NRCAM: variants seen among roughly 807,000 people sequenced by gnomAD.
The protein encoded by NRCAM is neuronal cell adhesion molecule.
In NRCAM, 83 loss-of-function variants were observed where a neutral mutation model predicts 156.5. The ratio of observed to expected loss-of-function variants is 0.53; its 90% CI spans 0.44 to 0.64. NRCAM has a LOEUF of 0.64. NRCAM is among the 30% of genes least tolerant of loss of function. The pLI is 0.00. For missense variants in NRCAM, 1,417 were observed against 1,597.3 expected, an observed-to-expected ratio of 0.89 and a Z score of 1.92; for synonymous variants, 538 against 563.9, an observed-to-expected ratio of 0.95 and a Z score of 0.65.
chr7:108,210,963 C>T lies in NRCAM; in HGVS notation c.891-1358G>A, dbSNP rs568225939. Among the ~76,000 whole-genome samples the T allele has an allele frequency of 4.3e-4, 65 of 152,246 alleles. 1 individual carries two copies. Among genetic ancestry groups the T allele is most frequent in the Middle Eastern group, 3.4e-3 (1 of 294 alleles). On this transcript the variant is annotated intron_variant, in intron 11 of 32. Transcript: ENST00000379028. ...GCAGAACTACATTGCAGCTCTGATGCGGATGGACAGAGCAGCATGTGGAGG... is the reference window on the plus strand; with the variant it reads ...GCAGAACTACATTGCAGCTCTGATGTGGATGGACAGAGCAGCATGTGGAGG...
At chr7:108,410,547 G>A (rs957611250) in intron 1 of NRCAM, among the ~76,000 whole-genome samples, 2 of 152,186 alleles carry the variant, frequency 1.3e-5, no homozygotes, top group Admixed American at 6.5e-5. Flanking sequence ...GATTTAATTG[G>A]TCTGAGGTAG....
chr7:108,180,324 C>T lies in NRCAM; in HGVS notation c.2750G>A (p.Gly917Glu), dbSNP rs2062770844. 1 of 1,614,234 alleles carries T rather than the reference C, an allele frequency of 6.2e-7. No individual in the cohort carries two copies. The highest frequency in any genetic ancestry group is 1.7e-5 in the Admixed American group (1 of 60,034). The change falls in exon 25 of 33, where the codon GGG (glycine) becomes GAG (glutamate). Residue 917 changes from glycine to glutamate, a missense_variant. Physicochemically the swap from Gly to Glu is moderately conservative, Grantham distance 98 (BLOSUM62 -2). Around this residue, in one of 2 missense-constraint regions of NRCAM, gnomAD observed 1,238 missense variants for 1,336.4 expected, o/e 0.93. Transcript: ENST00000379028. ...TGTGTAGTGGCTAAAGGGCTCTAGC[C>T]CCGGCAACATGCCATGAGTCTTGCT... is the stretch of plus-strand genomic sequence containing the variant. ...QGSKTHGMLP[G>E]LEPFSHYTLN...
At chr7:108,392,829 G>A (rs2099764798) in intron 2 of NRCAM, among the ~76,000 whole-genome samples, 1 of 152,162 alleles carries the variant, frequency 6.6e-6, no homozygotes, top group Non-Finnish European at 1.5e-5. Context: ...TTTGCTGGAG[G>A]TCTACTTCAG....
intron 3 of NRCAM, among the ~76,000 whole-genome samples, chr7:108,294,434 A>T (rs940903679): frequency 2.6e-5 from 4 of 152,046 alleles, no homozygotes; most frequent in Admixed American, 6.6e-5. Context: ...CTTGTTCAAA[A>T]TTCCTAAAGT....
chr7:108,408,269 C>T (rs1790997048), intron 1 of NRCAM, among the ~76,000 whole-genome samples: 1 of 152,100 alleles, frequency 6.6e-6, no homozygotes. Flanking sequence ...TTTTTAAGAG[C>T]CCAACATTCT....
intron 2 of NRCAM, among the ~76,000 whole-genome samples, chr7:108,332,277 T>G (rs2099134676): frequency 1.3e-5 from 2 of 152,228 alleles, no homozygotes; most frequent in African/African-American, 4.8e-5. Context: ...TAGAAAGGCA[T>G]CATGATGCTG....
chr7:108,453,849 T>C (rs905002862), intron 1 of NRCAM, among the ~76,000 whole-genome samples: 2 of 152,218 alleles, frequency 1.3e-5, no homozygotes, highest in African/African-American at 4.8e-5. Context: ...TCTTCATAAA[T>C]GCCCCCACAT....
chr7:108,332,465 G>A (rs1443312336), intron 2 of NRCAM, among the ~76,000 whole-genome samples: 1 of 152,102 alleles, frequency 6.6e-6, no homozygotes, highest in African/African-American at 2.4e-5. Context: ...TCGGCTCACT[G>A]CTTCTCTTCC....
At chr7:108,414,084 G>A (rs1798633524) in intron 1 of NRCAM, among the ~76,000 whole-genome samples, 2 of 152,238 alleles carry the variant, frequency 1.3e-5, no homozygotes, top group Non-Finnish European at 2.9e-5. Context: ...CTTTCCCAGA[G>A]GCTGATCAGA....
intron 7 of NRCAM, 78 bp downstream of exon 7, chr7:108,232,248 T>C: frequency 9.4e-7 from 1 of 1,060,234 alleles, no homozygotes; most frequent in Non-Finnish European, 1.4e-6. Context: ...TTGAATAGTA[T>C]TTGGATGATG....
At chr7:108,150,792 A>G (rs772372954) in intron 32 of NRCAM, 2 of 484,782 alleles carry the variant, frequency 4.1e-6, no homozygotes, top group Admixed American at 5.4e-5. Flanking sequence ...GATAGTACAC[A>G]GTATTTTTTT....
At chr7:108,434,130 A>G (rs968240200) in intron 1 of NRCAM, among the ~76,000 whole-genome samples, 2 of 152,220 alleles carry the variant, frequency 1.3e-5, no homozygotes, top group Non-Finnish European at 2.9e-5. Context: ...TCAGGGTCAC[A>G]ACAGTGAGTC....
At chr7:108,377,206 T>C (rs905738808) in intron 2 of NRCAM, among the ~76,000 whole-genome samples, 3 of 152,098 alleles carry the variant, frequency 2.0e-5, no homozygotes, top group Non-Finnish European at 4.4e-5. Flanking sequence ...TATCTGCATA[T>C]TGTATTCTTG....
chr7:108,195,712 C>G (rs755074073), intron 15 of NRCAM, 49 bp downstream of exon 15: 1 of 1,037,710 alleles, frequency 9.6e-7, no homozygotes, highest in Non-Finnish European at 1.5e-6. Flanking sequence ...AATATGAAGC[C>G]TTTAGCAAAC....
chr7:108,298,334 C>T (rs767933810), intron 3 of NRCAM, among the ~76,000 whole-genome samples: 1 of 151,716 alleles, frequency 6.6e-6, no homozygotes, highest in Non-Finnish European at 1.5e-5. Flanking sequence ...CTCCTCTATC[C>T]AAAACAACCC....
At chr7:108,185,636 C>T (rs2066221271) in intron 20 of NRCAM, among the ~76,000 whole-genome samples, 2 of 150,842 alleles carry the variant, frequency 1.3e-5, no homozygotes, top group Non-Finnish European at 2.9e-5. Context: ...GGAGGATCAC[C>T]TGAGCCCAGA....
intron 2 of NRCAM, among the ~76,000 whole-genome samples, chr7:108,329,947 C>G (rs1298139052): frequency 1.3e-5 from 2 of 151,996 alleles, no homozygotes; most frequent in African/African-American, 4.8e-5. Flanking sequence ...GGGAGGAAAG[C>G]CTTTAAACTT....
chr7:108,201,352 T>TC (rs1193271320), intron 13 of NRCAM, among the ~76,000 whole-genome samples: 1 of 152,040 alleles, frequency 6.6e-6, no homozygotes, highest in Admixed American at 6.6e-5. Context: ...CTGTGATGAA[T>TC]CCCAGGCAGA....
intron 1 of NRCAM, among the ~76,000 whole-genome samples, chr7:108,421,721 G>A (rs972313947): frequency 2.0e-5 from 3 of 152,124 alleles, no homozygotes; most frequent in Non-Finnish European, 4.4e-5. Context: ...TACAACTTAA[G>A]AAAAATCAAT....
Sources: gnomAD v4.1 joint callset for allele counts (sites outside exome capture counted in the v4.1 genomes callset) on GRCh38, gnomAD v4.1.1 for gene constraint, gnomAD v4.1.1 regional missense constraint, MANE v1.5 for transcripts, NCBI Gene and HGNC (gene_info 2026-07-23, HGNC 2026-07-21) for gene names.